The following CACNA1C variants were observed in gnomAD, a reference collection of about 807,000 sequenced individuals.
The protein encoded by CACNA1C is calcium voltage-gated channel subunit alpha1 C.
A neutral mutation model predicts 229.0 loss-of-function variants in CACNA1C; 30 were observed. The ratio of observed to expected loss-of-function variants is 0.13; its 90% CI spans 0.10 to 0.18. The LOEUF (loss-of-function observed/expected upper bound fraction) is 0.18, where lower values mean the gene tolerates loss of function less well. Ranked by LOEUF, CACNA1C falls within the 10% of genes least tolerant of loss-of-function variation. The pLI is 1.00. For missense variants in CACNA1C, 1,658 were observed against 2,845.0 expected, an observed-to-expected ratio of 0.58 and a Z score of 9.49; for synonymous variants, 1,114 against 1,132.5, an observed-to-expected ratio of 0.98 and a Z score of 0.33.
At chr12:2,234,852 T>C (rs2066704710) in intron 3 of CACNA1C, among the ~76,000 whole-genome samples, 1 of 152,064 alleles carries the variant, frequency 6.6e-6, no homozygotes, top group Non-Finnish European at 1.5e-5. Context: ...GGAAGATCCC[T>C]CCCAGGAGCT....
intron 11 of CACNA1C, among the ~76,000 whole-genome samples, chr12:2,559,475 C>T (rs772848443): frequency 2.0e-5 from 3 of 152,206 alleles, no homozygotes; most frequent in African/African-American, 4.8e-5. Flanking sequence ...GGCCCTGAGG[C>T]TTTGCTATGT....
intron 1 of CACNA1C, among the ~76,000 whole-genome samples, chr12:2,045,916 A>G (rs1291313046): frequency 6.6e-6 from 1 of 151,818 alleles, no homozygotes; most frequent in Non-Finnish European, 1.5e-5. Flanking sequence ...CCCTAATTCC[A>G]ATGACAGGTG....
At chr12:2,019,540 AGG>A in intron 1 of CACNA1C, among the ~76,000 whole-genome samples, 1 of 150,648 alleles carries the variant, frequency 6.6e-6, no homozygotes, top group African/African-American at 2.5e-5. Context: ...AAAGAAAGGA[AGG>A]AAGGAAAGAA....
At chr12:2,450,820 T>C (rs887378937) in intron 4 of CACNA1C, among the ~76,000 whole-genome samples, 3 of 152,098 alleles carry the variant, frequency 2.0e-5, no homozygotes, top group Admixed American at 6.5e-5. Context: ...GAGGATCCTT[T>C]TGTGCCATCC....
chr12:2,610,439 C>T, intron 27 of CACNA1C, 102 bp from the exon 28 acceptor site: 1 of 1,202,540 alleles, frequency 8.3e-7, no homozygotes. Context: ...GAACCCCACC[C>T]CACAGTGTGT....
chr12:2,510,074 C>T (rs754116660), intron 8 of CACNA1C, among the ~76,000 whole-genome samples: 14 of 152,192 alleles, frequency 9.2e-5, no homozygotes, highest in Non-Finnish European at 1.5e-4. Context: ...CCTGGCTCTC[C>T]ACACCACCCC....
intron 3 of CACNA1C, among the ~76,000 whole-genome samples, chr12:2,298,596 C>T (rs2094290038): frequency 6.6e-6 from 1 of 152,252 alleles, no homozygotes; most frequent in Non-Finnish European, 1.5e-5. Context: ...CGTGCCTGGC[C>T]AGGTGACAGG....
chr12:2,655,545 C>T (rs564190142), intron 34 of CACNA1C, among the ~76,000 whole-genome samples: 6 of 152,226 alleles, frequency 3.9e-5, no homozygotes, highest in Non-Finnish European at 8.8e-5. Context: ...CCTGCCGACA[C>T]GCTTTGTGAC....
chr12:2,195,838 A>G (rs1401540251), intron 3 of CACNA1C, among the ~76,000 whole-genome samples: 7 of 152,220 alleles, frequency 4.6e-5, no homozygotes, highest in African/African-American at 1.7e-4. Context: ...AGATCTGGAA[A>G]GGGACCACAG....
intron 1 of CACNA1C, among the ~76,000 whole-genome samples, chr12:1,977,798 G>T (rs1455471117): frequency 1.3e-5 from 2 of 152,024 alleles, no homozygotes; most frequent in Non-Finnish European, 2.9e-5. Flanking sequence ...ACTCATCATT[G>T]TTCTCTAAAT....
chr12:2,585,556 C>T lies in CACNA1C; in HGVS notation c.2460+60C>T. The T allele has an allele frequency of 6.7e-7, 1 of 1,485,922 alleles. No homozygotes were observed. The highest frequency in any genetic ancestry group is 9.0e-7 in the Non-Finnish European group (1 of 1,111,888). 92.0% of individuals were successfully genotyped at this position (1,485,922 alleles called of 1,614,324 possible). ...CGGTGCTGGGGAGGGAGGGCCACAG[C>T]CTTCCCAGGCCAGAACCCTGTGGAG... is the stretch of plus-strand genomic sequence containing the variant. On this transcript the variant is annotated intron_variant, in intron 17 of 46. Coordinates refer to ENST00000399655, the MANE Select transcript of CACNA1C (RefSeq NM_000719.7). This position sits in a 1 kb window ranked among gnomAD's most constrained non-coding sequence, Gnocchi z 4.1.
At chr12:2,008,790 C>T (rs2043908799) in intron 1 of CACNA1C, among the ~76,000 whole-genome samples, 1 of 152,160 alleles carries the variant, frequency 6.6e-6, no homozygotes, top group Non-Finnish European at 1.5e-5. Flanking sequence ...AATAATGTTG[C>T]AATGACTTCA....
At chr12:1,976,860 GA>G (rs2034534847) in intron 1 of CACNA1C, among the ~76,000 whole-genome samples, 1 of 141,364 alleles carries the variant, frequency 7.1e-6, no homozygotes, top group Non-Finnish European at 1.5e-5. Flanking sequence ...GGGAGGGAGG[GA>G]GGGGGAGGAA....
At chr12:2,626,228 T>A (rs1318296493) in intron 29 of CACNA1C, among the ~76,000 whole-genome samples, 1 of 152,228 alleles carries the variant, frequency 6.6e-6, no homozygotes, top group African/African-American at 2.4e-5. Context: ...CTGGCGTACC[T>A]GTGCTCTCTC....
chr12:2,005,095 T>A (rs1383146874), intron 1 of CACNA1C, among the ~76,000 whole-genome samples: 2 of 151,596 alleles, frequency 1.3e-5, no homozygotes, highest in African/African-American at 2.4e-5. Flanking sequence ...GGCACCAAAC[T>A]GTATTGCTAG....
Position 2,287,330 on chromosome 12 carries a change from G to C in CACNA1C, c.478-161646G>C, listed in dbSNP as rs1030037442. On this transcript the variant is annotated intron_variant, in intron 3 of 46. Coordinates refer to ENST00000399655, the MANE Select transcript of CACNA1C (RefSeq NM_000719.7). This position sits in a 1 kb window ranked among gnomAD's most constrained non-coding sequence, Gnocchi z 4.6. The stretch of plus-strand genomic sequence containing the variant: ...TGCGACCCGTGCCTCATGGAGTGTC[G>C]CTGGATACGCGATCAGTGTCCCTTG... Among the ~76,000 whole-genome samples, 1 of 152,206 alleles carries C rather than the reference G, an allele frequency of 6.6e-6. No individual in the cohort carries two copies. The highest frequency in any genetic ancestry group is 1.5e-5 in the Non-Finnish European group (1 of 68,046).
At chr12:2,309,146 T>C (rs995773536) in intron 3 of CACNA1C, among the ~76,000 whole-genome samples, 2 of 152,208 alleles carry the variant, frequency 1.3e-5, no homozygotes, top group African/African-American at 4.8e-5. Context: ...TATAATGGAA[T>C]ATTATTCAGT....
chr12:2,367,084 A>C (rs934101356), intron 3 of CACNA1C, among the ~76,000 whole-genome samples: 2 of 152,190 alleles, frequency 1.3e-5, no homozygotes, highest in Admixed American at 1.3e-4. Flanking sequence ...GAGCCAAACC[A>C]TATCACACCA....
At position 2,654,879 on chromosome 12, in the gene CACNA1C, C is replaced by A. The variant is rs753296991; in HGVS notation, c.4141-268C>A. Among the ~76,000 whole-genome samples, 24 of 152,298 alleles carry A rather than the reference C, an allele frequency of 1.6e-4. No individual in the cohort carries two copies. Among genetic ancestry groups the A allele is most frequent in the Middle Eastern group, 3.4e-3 (1 of 294 alleles). ...GCAGGATCCCGGTCCCAGCATCCAC[C>A]GCTCTCAGCCCCAGCTCCCACTGGG... On this transcript the variant is annotated intron_variant, in intron 33 of 46. Coordinates refer to ENST00000399655, the MANE Select transcript of CACNA1C (RefSeq NM_000719.7). The surrounding 1 kb of genome is among the most constrained non-coding windows in gnomAD (Gnocchi z 4.4).
Sources: gnomAD v4.1 joint callset for allele counts (sites outside exome capture counted in the v4.1 genomes callset) on GRCh38, gnomAD v4.1.1 for gene constraint, Gnocchi (gnomAD v3.1) non-coding constraint, MANE v1.5 for transcripts, NCBI Gene and HGNC (gene_info 2026-07-23, HGNC 2026-07-21) for gene names.